Variants in CHODL observed in about 807,000 individuals in gnomAD.
CHODL encodes the protein chondrolectin.
Under a neutral mutation model 34.5 loss-of-function variants are expected in CHODL, and 29 were observed. The ratio of observed to expected loss-of-function variants is 0.84; its 90% CI spans 0.63 to 1.15. The LOEUF is 1.15. CHODL is among the 50% of genes most tolerant of loss of function. The probability of loss-of-function intolerance (pLI) is 0.00; values close to 1 mark genes in which losing one functional copy is unlikely to be tolerated. For synonymous variants in CHODL, 125 were observed against 116.1 expected, an observed-to-expected ratio of 1.08 and a Z score of -0.49; for missense variants, 332 against 332.5, an observed-to-expected ratio of 1.00 and a Z score of 0.01.
chr21:17,951,608 G>T (rs1048582839), intron 1 of CHODL, among the ~76,000 whole-genome samples: 12 of 152,104 alleles, frequency 7.9e-5, no homozygotes, highest in Admixed American at 6.6e-4. Context: ...AATTCATAGG[G>T]TAAAGAGTCA....
intron 2 of CHODL, among the ~76,000 whole-genome samples, chr21:18,203,318 A>T (rs1003121160): frequency 2.0e-5 from 3 of 152,160 alleles, no homozygotes; most frequent in Non-Finnish European, 2.9e-5. Flanking sequence ...TATAACTTTT[A>T]AAATCAAGTT....
chr21:17,982,191 G>A (rs567583261), intron 1 of CHODL, among the ~76,000 whole-genome samples: 5 of 152,212 alleles, frequency 3.3e-5, no homozygotes, highest in Admixed American at 3.3e-4. Flanking sequence ...TATATTGTGA[G>A]TATGCACATG....
At chr21:18,139,365 A>G (rs1303894871) in intron 2 of CHODL, among the ~76,000 whole-genome samples, 4 of 152,114 alleles carry the variant, frequency 2.6e-5, no homozygotes, top group Admixed American at 6.6e-5. Flanking sequence ...AAAGTGATAA[A>G]AATAAGTGAA....
intron 1 of CHODL, among the ~76,000 whole-genome samples, chr21:18,020,149 AATTTTCT>A (rs1267211446): frequency 1.3e-5 from 2 of 152,110 alleles, no homozygotes; most frequent in Non-Finnish European, 2.9e-5. Flanking sequence ...GTTTTGCCCA[AATTTTCT>A]ATTTTCCCCG....
At chr21:18,088,184 C>T (rs1033775046) in intron 2 of CHODL, among the ~76,000 whole-genome samples, 1 of 152,098 alleles carries the variant, frequency 6.6e-6, no homozygotes, top group Non-Finnish European at 1.5e-5. Flanking sequence ...GCCTGGTTTC[C>T]CTGAGGACCG....
intron 2 of CHODL, among the ~76,000 whole-genome samples, chr21:18,234,886 TTAAA>T (rs1010949352): frequency 2.6e-4 from 39 of 152,114 alleles, no homozygotes; most frequent in African/African-American, 8.9e-4. Flanking sequence ...ATTTGAAAAA[TTAAA>T]TAGTATGAAA....
At chr21:17,944,774 A>G (rs557991048) in intron 1 of CHODL, among the ~76,000 whole-genome samples, 1 of 152,374 alleles carries the variant, frequency 6.6e-6, no homozygotes, top group African/African-American at 2.4e-5. Flanking sequence ...TGGCACTTCC[A>G]GAATCACAGC....
intron 2 of CHODL, among the ~76,000 whole-genome samples, chr21:18,236,597 A>G (rs1320203198): frequency 6.6e-6 from 1 of 152,054 alleles, no homozygotes; most frequent in African/African-American, 2.4e-5. Flanking sequence ...CATGTCTTTT[A>G]GGTTTTACCT....
At chr21:18,245,658 G>A (rs1430610722) in intron 1 of CHODL, among the ~76,000 whole-genome samples, 1 of 152,154 alleles carries the variant, frequency 6.6e-6, no homozygotes, top group Non-Finnish European at 1.5e-5. Flanking sequence ...GGCGGAGGCA[G>A]AGGGAACCCA....
intron 1 of CHODL, among the ~76,000 whole-genome samples, chr21:17,925,815 G>A (rs1295441065): frequency 1.3e-5 from 2 of 152,120 alleles, no homozygotes; most frequent in Non-Finnish European, 2.9e-5. Context: ...CATGTTGGTT[G>A]TCCAGAAAGG....
At position 18,150,808 on chromosome 21, in the gene CHODL, C is replaced by T. The variant is rs574924582; in HGVS notation, c.-44-105701C>T. 7.2e-5 allele frequency among the ~76,000 whole-genome samples: 11 copies of T among 152,040 alleles called. No homozygotes were observed. The East Asian group carries it at 7.8e-4, about 11-fold the overall frequency. Reference sequence around the variant, plus strand: ...CCATAAAGAAATTCTCTGACCTGGCCGGCATGGTGGCTCACTTCTGTAATC... The same window carrying T: ...CCATAAAGAAATTCTCTGACCTGGCTGGCATGGTGGCTCACTTCTGTAATC... On this transcript the variant is annotated intron_variant, in intron 2 of 6. Coordinates refer to the CHODL transcript ENST00000400127.
intron 2 of CHODL, among the ~76,000 whole-genome samples, chr21:18,048,663 T>C (rs2824614): frequency 0.018 from 2,664 of 152,086 alleles, 84 homozygotes; most frequent in African/African-American, 0.06. Flanking sequence ...ATGAATGGCA[T>C]GCGAGGTAAC....
rs192336392 is a variant in CHODL, at chr21:18,061,677, C to T, written c.-45+33706C>T. 3.3e-5 allele frequency among the ~76,000 whole-genome samples: 5 copies of T among 152,268 alleles called. No individual in the cohort carries two copies. The East Asian group carries it at 9.7e-4, about 29-fold the overall frequency. On this transcript the variant is annotated intron_variant, in intron 2 of 6. Coordinates refer to the CHODL transcript ENST00000400127. The stretch of plus-strand genomic sequence containing the variant: ...ATGGATGGGAGGAAAACAGAGGGAA[C>T]ACCAACAAAAGACTCTCCACAATTT...
Position 18,005,419 on chromosome 21 carries a change from A to G in CHODL, c.-144-22453A>G, listed in dbSNP as rs963230707. On this transcript the variant is annotated intron_variant, in intron 1 of 6. Coordinates refer to the CHODL transcript ENST00000400127. ...TAAATTACATTTGACTGGTAGGACA[A>G]TTTCAAAAGCAATTTTTAATCATCT... 3.9e-5 allele frequency among the ~76,000 whole-genome samples: 6 copies of G among 152,358 alleles called. 1 individual carries two copies. The highest frequency in any genetic ancestry group is 1.3e-4 in the Admixed American group (2 of 15,304).
intron 1 of CHODL, among the ~76,000 whole-genome samples, chr21:17,935,743 G>A (rs2063314143): frequency 6.6e-6 from 1 of 152,140 alleles, no homozygotes; most frequent in Non-Finnish European, 1.5e-5. Context: ...AGGAAAGAAA[G>A]GATTGGAGAG....
chr21:18,140,070 ATC>A (rs1383580187), intron 2 of CHODL, among the ~76,000 whole-genome samples: 1 of 152,200 alleles, frequency 6.6e-6, no homozygotes, highest in Admixed American at 6.5e-5. Flanking sequence ...AAGTAAATGC[ATC>A]TCTTTTTCTT....
rs150479844 is a variant in CHODL, at chr21:18,186,671, A to G, written c.-44-69838A>G. Among the ~76,000 whole-genome samples, 981 of 152,320 alleles carry G rather than the reference A, an allele frequency of 6.4e-3. 15 individuals carry two copies. Among genetic ancestry groups the G allele is most frequent in the African/African-American group, 0.021 (868 of 41,566 alleles). On this transcript the variant is annotated intron_variant, in intron 2 of 6. Coordinates refer to the CHODL transcript ENST00000400127. ...TGAAGTGCATACTTTAGGAGTCTCA[A>G]TAATACCAAACATTGAAAGCATTCG...
chr21:17,933,929 C>T (rs985263123), intron 1 of CHODL, among the ~76,000 whole-genome samples: 4 of 151,854 alleles, frequency 2.6e-5, no homozygotes, highest in African/African-American at 7.3e-5. Context: ...GTCCCAGCTA[C>T]TCGGGAGGCT....
chr21:18,245,206 T>G lies in CHODL; in HGVS notation c.-18T>G, dbSNP rs940610011. On this transcript the variant is annotated 5_prime_UTR_variant, in exon 1 of 6. Transcript: ENST00000299295. ...CGCCCTCGCTCCACGCAACACCTGC[T>G]GCTGCCACCGCGCCGCGATGAGCCG... The G allele has an allele frequency of 6.8e-7, 1 of 1,480,698 alleles. No individual in the cohort carries two copies. Among genetic ancestry groups the G allele is most frequent in the African/African-American group, 1.5e-5 (1 of 68,418 alleles). 91.7% of individuals were successfully genotyped at this position (1,480,698 alleles called of 1,614,324 possible). A position where few individuals can be genotyped will look rare whatever the true frequency, so the allele number is the denominator to read the frequency against.
Sources: allele counts gnomAD v4.1 joint callset (sites outside exome capture counted in the v4.1 genomes callset), GRCh38; gene constraint gnomAD v4.1.1; transcripts MANE v1.5; gene names NCBI Gene and HGNC (gene_info 2026-07-23, HGNC 2026-07-21).